Variants in USP15 observed in about 807,000 individuals in gnomAD.
The protein encoded by USP15 is ubiquitin carboxyl-terminal hydrolase 15.
A neutral mutation model predicts 127.1 loss-of-function variants in USP15; 18 were observed. The ratio of observed to expected loss-of-function variants is 0.14; its 90% CI spans 0.10 to 0.21. USP15 has a LOEUF of 0.21. Ranked by LOEUF, USP15 falls within the 10% of genes least tolerant of loss-of-function variation. The pLI is 1.00. For missense variants in USP15, 805 were observed against 1,159.9 expected (o/e 0.69, Z 4.44); for synonymous variants, 364 against 393.7 (o/e 0.92, Z 0.89).
At chr12:62,401,914 A>G (rs997759449) in intron 21 of USP15, among the ~76,000 whole-genome samples, 2 of 71,646 alleles carry the variant, frequency 2.8e-5, no homozygotes, top group African/African-American at 6.0e-5. Flanking sequence ...ATATATGTAT[A>G]TATACATATA....
At chr12:62,388,117 ATTTTT>A (rs58192089) in intron 11 of USP15, among the ~76,000 whole-genome samples, 21 of 106,596 alleles carry the variant, frequency 2.0e-4, no homozygotes, top group African/African-American at 2.5e-4. Flanking sequence ...AATGGTGAAG[ATTTTT>A]TTTTTTTTTT....
At chr12:62,351,629 T>C (rs1324736613) in intron 7 of USP15, among the ~76,000 whole-genome samples, 1 of 152,066 alleles carries the variant, frequency 6.6e-6, no homozygotes, top group Non-Finnish European at 1.5e-5. Context: ...TCAAAACCTC[T>C]GACTGCAGAA....
chr12:62,323,215 T>A (rs2065035410), intron 5 of USP15, among the ~76,000 whole-genome samples: 1 of 152,200 alleles, frequency 6.6e-6, no homozygotes, highest in Non-Finnish European at 1.5e-5. Context: ...TATGCTTTAG[T>A]TATTTGTATT....
intron 1 of USP15, among the ~76,000 whole-genome samples, chr12:62,268,006 T>G (rs1209203118): frequency 6.6e-6 from 1 of 152,114 alleles, no homozygotes; most frequent in Non-Finnish European, 1.5e-5. Context: ...CTGAAGAACT[T>G]TTTAATTCTC....
chr12:62,320,779 A>T (rs1254962533), intron 4 of USP15, among the ~76,000 whole-genome samples: 1 of 152,062 alleles, frequency 6.6e-6, no homozygotes, highest in Non-Finnish European at 1.5e-5. Context: ...TTTTTTCAAA[A>T]CTACAACTAT....
chr12:62,335,980 C>T, intron 6 of USP15: 1 of 985,266 alleles, frequency 1.0e-6, no homozygotes. Flanking sequence ...TTTAGTTTTG[C>T]AAATTGTGCA....
rs781370405 is a variant in USP15, at chr12:62,375,853, G to A, written c.916-5637G>A. 9.3e-4 allele frequency among the ~76,000 whole-genome samples: 142 copies of A among 152,212 alleles called. 2 individuals carry two copies. In the Middle Eastern group the frequency reaches 0.01, roughly 11 times the overall value. ...TTCAAAACCACAAAACCACTTAGCA[G>A]TCATTTCTCACTAAATAATTGTCTT... is the stretch of plus-strand genomic sequence containing the variant. On this transcript the variant is annotated intron_variant, in intron 8 of 21. Transcript: ENST00000280377.
intron 11 of USP15, among the ~76,000 whole-genome samples, chr12:62,386,462 G>C (rs2067151876): frequency 1.3e-5 from 2 of 152,028 alleles, no homozygotes; most frequent in Admixed American, 1.3e-4. Flanking sequence ...TGTGAAAATT[G>C]CTCTGACAGG....
chr12:62,284,173 A>G (rs1425020978), intron 1 of USP15, among the ~76,000 whole-genome samples: 1 of 152,220 alleles, frequency 6.6e-6, no homozygotes, highest in Non-Finnish European at 1.5e-5. Context: ...TTTGGTAAAG[A>G]TGGCAGTGTC....
In USP15 at chr12:62,391,256, A is replaced by G; in HGVS notation, c.2060A>G (p.Asp687Gly). 1.2e-6 allele frequency: 2 copies of G among 1,613,664 alleles called. No individual in the cohort carries two copies. Among genetic ancestry groups the G allele is most frequent in the Non-Finnish European group, 1.7e-6 (2 of 1,179,734 alleles). ...NSQSEDSVGG[D>G]NDSENGLCTE... is the part of the protein sequence containing the mutation. ...CAGTCTGAAGATTCAGTTGGAGGAG[A>G]TAATGATTCTGAAAATGGATTATGT... The change falls in exon 16 of 22, where the codon GAT (aspartate) becomes GGT (glycine). Residue 687 changes from aspartate to glycine, a missense_variant. Physicochemically the swap from Asp to Gly is moderately conservative, Grantham distance 94. Around this residue, in one of 11 missense-constraint regions of USP15, gnomAD observed 225 missense variants for 239.5 expected, o/e 0.94. Coordinates refer to ENST00000280377, the MANE Select transcript of USP15 (RefSeq NM_001252078.2).
At chr12:62,270,297 T>C (rs2063319199) in intron 1 of USP15, among the ~76,000 whole-genome samples, 1 of 152,108 alleles carries the variant, frequency 6.6e-6, no homozygotes, top group Admixed American at 6.6e-5. Flanking sequence ...CAAATTTTTC[T>C]CCCATTCTGT....
intron 9 of USP15, among the ~76,000 whole-genome samples, chr12:62,382,024 A>AT (rs2067005219): frequency 6.6e-6 from 1 of 151,996 alleles, no homozygotes; most frequent in Non-Finnish European, 1.5e-5. Flanking sequence ...CTATGTGAAT[A>AT]TTCTATACAA....
intron 3 of USP15, among the ~76,000 whole-genome samples, chr12:62,311,055 A>G (rs564781929): frequency 6.6e-6 from 1 of 151,570 alleles, no homozygotes; most frequent in South Asian, 2.1e-4. Flanking sequence ...TCCTTTGCCT[A>G]CTTTTAAATG....
intron 6 of USP15, among the ~76,000 whole-genome samples, chr12:62,338,735 C>T (rs909766115): frequency 1.3e-5 from 2 of 151,968 alleles, no homozygotes; most frequent in African/African-American, 4.8e-5. Context: ...GAATCATTTC[C>T]CTATTGCTTG....
At chr12:62,404,151 C>G in intron 21 of USP15, 42 bp from the exon 22 acceptor site, 5 of 1,511,138 alleles carry the variant, frequency 3.3e-6, no homozygotes, top group Non-Finnish European at 4.4e-6. Flanking sequence ...TTAACGTGAT[C>G]TTTGAGAATC....
intron 6 of USP15, among the ~76,000 whole-genome samples, chr12:62,333,544 A>ACTTCG (rs2065367254): frequency 6.6e-6 from 1 of 152,122 alleles, no homozygotes; most frequent in Admixed American, 6.6e-5. Context: ...TGCCCACTTC[A>ACTTCG]GCCTCCCAAA....
In USP15 at chr12:62,391,844, T is replaced by C; in HGVS notation, c.2262T>C (p.Asp754=). 1.2e-6 allele frequency: 2 copies of C among 1,609,974 alleles called. No homozygotes were observed. The highest frequency in any genetic ancestry group is 1.7e-6 in the Non-Finnish European group (2 of 1,177,940). The change falls in exon 17 of 22, where the codon GAT becomes GAC. Residue 754 remains aspartate (D), a synonymous_variant. Transcript: ENST00000280377. The part of the protein sequence containing the change: ...DERSFLALDW[D]PDLKKRYFDE... ...GATCTTTTCTTGCTTTGGATTGGGA[T>C]CCTGATTTGAAAAAAAGATATTTTG...
chr12:62,337,798 A>G (rs2065518079), intron 6 of USP15, among the ~76,000 whole-genome samples: 1 of 152,142 alleles, frequency 6.6e-6, no homozygotes, highest in African/African-American at 2.4e-5. Flanking sequence ...ATGTCCCTGC[A>G]AAGGACATGA....
rs1240970078 is a variant in USP15 at position 62,405,891 on chromosome 12, G to A, written c.*1516G>A. On this transcript the variant is annotated 3_prime_UTR_variant, in exon 22 of 22. Coordinates refer to ENST00000280377, the MANE Select transcript of USP15 (RefSeq NM_001252078.2). ...AATGCATTTGACCAGGATAAATGAG[G>A]TATGTTGATCATGGCTTTGCTTTAT... is the stretch of plus-strand genomic sequence containing the variant. 1 of 151,874 alleles carries A rather than the reference G, an allele frequency of 6.6e-6. No individual in the cohort carries two copies. Among genetic ancestry groups the A allele is most frequent in the Non-Finnish European group, 1.5e-5 (1 of 67,906 alleles). The allele number at this position is 151,874 out of a possible 1,614,324, so 9.4% of individuals were successfully genotyped here. A position where few individuals can be genotyped will look rare whatever the true frequency, so the allele number is the denominator to read the frequency against.
Sources: allele counts gnomAD v4.1 joint callset (sites outside exome capture counted in the v4.1 genomes callset), GRCh38; gene constraint gnomAD v4.1.1; regional missense constraint gnomAD v4.1.1; transcripts MANE v1.5; gene names NCBI Gene and HGNC (gene_info 2026-07-23, HGNC 2026-07-21).